Variants in AGBL4 observed in about 807,000 individuals in gnomAD.
AGBL4 encodes cytosolic carboxypeptidase 6.
Under a neutral mutation model 66.4 loss-of-function variants are expected in AGBL4, and 58 were observed. The observed-to-expected ratio is 0.87, with a 90% CI of 0.71 to 1.09. The LOEUF is 1.09. Among genes scored for constraint, AGBL4 ranks in the 50% least tolerant of loss-of-function variants. The pLI, the probability that AGBL4 is intolerant of heterozygous loss-of-function variation, is 0.00. For synonymous variants in AGBL4, 234 were observed against 222.9 expected (o/e 1.05, Z -0.44); for missense variants, 579 against 631.0 (o/e 0.92, Z 0.88).
At chr1:49,030,226 G>T (rs913922035) in intron 5 of AGBL4, among the ~76,000 whole-genome samples, 2 of 152,034 alleles carry the variant, frequency 1.3e-5, no homozygotes, top group Non-Finnish European at 2.9e-5. Flanking sequence ...AGGTCACTGT[G>T]GGTGGAACCT....
chr1:48,721,019 A>T (rs1391018668), intron 6 of AGBL4, among the ~76,000 whole-genome samples: 2 of 151,204 alleles, frequency 1.3e-5, no homozygotes, highest in Non-Finnish European at 2.9e-5. Context: ...GATGAGTTAG[A>T]GCCCCAGACT....
At chr1:49,886,823 A>C (rs559869464) in intron 1 of AGBL4, among the ~76,000 whole-genome samples, 13 of 152,258 alleles carry the variant, frequency 8.5e-5, no homozygotes, top group Admixed American at 2.6e-4. Flanking sequence ...TTAGACTTGC[A>C]CTTCTAAATG....
chr1:49,255,125 G>C (rs1570231972), intron 3 of AGBL4, among the ~76,000 whole-genome samples: 1 of 152,160 alleles, frequency 6.6e-6, no homozygotes, highest in African/African-American at 2.4e-5. Context: ...TGACAAAGAT[G>C]TCAAAAGCAA....
At chr1:48,633,968 G>A (rs1219851172) in intron 9 of AGBL4, among the ~76,000 whole-genome samples, 1 of 152,190 alleles carries the variant, frequency 6.6e-6, no homozygotes, top group Non-Finnish European at 1.5e-5. Context: ...AGCCAGAATT[G>A]ACTTGCCCAG....
rs918815308 is a variant in AGBL4, at chr1:49,528,314, GT to G, written c.282+168998del. On this transcript the variant is annotated intron_variant, in intron 3 of 13. Coordinates refer to ENST00000371839, the MANE Select transcript of AGBL4 (RefSeq NM_032785.4). ...CTTACGTATCTTATTATAAACTCTTGTTTTTTTCAACTTAAACTAGCTTGAG... is the reference window on the plus strand; with the variant it reads ...CTTACGTATCTTATTATAAACTCTTGTTTTTTCAACTTAAACTAGCTTGAG... Among the ~76,000 whole-genome samples, 4 of 152,074 alleles carry G rather than the reference GT, an allele frequency of 2.6e-5. 1 individual carries two copies. Among genetic ancestry groups the G allele is most frequent in the African/African-American group, 4.8e-5 (2 of 41,492 alleles).
At chr1:49,784,784 T>A (rs1045286898) in intron 2 of AGBL4, among the ~76,000 whole-genome samples, 1 of 151,726 alleles carries the variant, frequency 6.6e-6, no homozygotes, top group African/African-American at 2.4e-5. Context: ...AATAAAAAGA[T>A]AAATGACCCA....
chr1:49,317,908 CTTT>C, intron 3 of AGBL4, among the ~76,000 whole-genome samples: 1 of 151,818 alleles, frequency 6.6e-6, no homozygotes, highest in Non-Finnish European at 1.5e-5. Context: ...CTTTGTAGTT[CTTT>C]ATTTGAAAAA....
intron 6 of AGBL4, among the ~76,000 whole-genome samples, chr1:48,674,382 T>C (rs1194745438): frequency 6.6e-6 from 1 of 152,170 alleles, no homozygotes; most frequent in African/African-American, 2.4e-5. Flanking sequence ...CAAGGTCATA[T>C]AGCTGGCAAG....
At chr1:49,554,931 C>A (rs554471227) in intron 3 of AGBL4, among the ~76,000 whole-genome samples, 1 of 152,252 alleles carries the variant, frequency 6.6e-6, no homozygotes, top group African/African-American at 2.4e-5. Context: ...AGGAGTGAAG[C>A]TGCAGACCTT....
intron 6 of AGBL4, among the ~76,000 whole-genome samples, chr1:48,769,308 A>G (rs1227217267): frequency 2.0e-5 from 3 of 151,754 alleles, no homozygotes; most frequent in African/African-American, 7.3e-5. Context: ...CCTTGTTCTC[A>G]CTCCCACCAC....
chr1:48,612,993 G>C (rs1645262510), intron 9 of AGBL4, among the ~76,000 whole-genome samples: 1 of 152,118 alleles, frequency 6.6e-6, no homozygotes, highest in South Asian at 2.1e-4. Flanking sequence ...AATTAAGCAG[G>C]CAAGGTGGTG....
intron 5 of AGBL4, among the ~76,000 whole-genome samples, chr1:48,987,270 A>G (rs1660251810): frequency 1.3e-5 from 2 of 152,016 alleles, no homozygotes; most frequent in African/African-American, 4.8e-5. Context: ...TTTATTATCC[A>G]TAATAAATGT....
chr1:49,242,402 T>A (rs148776347), intron 4 of AGBL4, among the ~76,000 whole-genome samples: 145 of 152,026 alleles, frequency 9.5e-4, no homozygotes, highest in African/African-American at 3.3e-3. Flanking sequence ...TCTTCCAACA[T>A]CCCCATGCAT....
intron 2 of AGBL4, among the ~76,000 whole-genome samples, chr1:49,757,472 A>G (rs1255101735): frequency 6.6e-6 from 1 of 152,174 alleles, no homozygotes. Context: ...GAAAGTTTGG[A>G]TCTTCCTAGA....
At chr1:49,809,383 T>A (rs115372378) in intron 2 of AGBL4, among the ~76,000 whole-genome samples, 1,755 of 148,170 alleles carry the variant, frequency 0.012, 30 homozygotes, top group African/African-American at 0.041. Flanking sequence ...TTCCCACTAT[T>A]CTTAAGAACC....
intron 6 of AGBL4, among the ~76,000 whole-genome samples, chr1:48,688,216 T>C (rs1247510904): frequency 6.6e-6 from 1 of 152,118 alleles, no homozygotes; most frequent in Admixed American, 6.5e-5. Context: ...CAGTGGATCG[T>C]GAGAAACTAA....
intron 2 of AGBL4, among the ~76,000 whole-genome samples, chr1:49,717,232 C>T (rs1045525409): frequency 1.3e-5 from 2 of 151,994 alleles, no homozygotes; most frequent in Non-Finnish European, 2.9e-5. Context: ...AAAAATGTTC[C>T]ATGCTTATGG....
intron 4 of AGBL4, among the ~76,000 whole-genome samples, chr1:49,112,060 C>A (rs887633263): frequency 2.0e-5 from 3 of 152,158 alleles, no homozygotes; most frequent in Non-Finnish European, 4.4e-5. Flanking sequence ...TAGCAACTGC[C>A]TAGCTTTGTC....
chr1:49,216,500 C>T (rs1299098420), intron 4 of AGBL4, among the ~76,000 whole-genome samples: 3 of 152,134 alleles, frequency 2.0e-5, no homozygotes, highest in Admixed American at 2.0e-4. Flanking sequence ...TAAGTGAGAA[C>T]ATACAGTATT....
Sources: gnomAD v4.1 joint callset for allele counts (sites outside exome capture counted in the v4.1 genomes callset) on GRCh38, gnomAD v4.1.1 for gene constraint, MANE v1.5 for transcripts, NCBI Gene and HGNC (gene_info 2026-07-23, HGNC 2026-07-21) for gene names.